The following FAM120B variants were observed in gnomAD, a reference collection of about 807,000 sequenced individuals.
FAM120B encodes constitutive coactivator of peroxisome proliferator-activated receptor gamma.
A neutral mutation model predicts 96.3 loss-of-function variants in FAM120B; 83 were observed. That is an observed-to-expected ratio of 0.86 (90% CI 0.72 to 1.03). The LOEUF is 1.03. Among genes scored for constraint, FAM120B ranks in the 50% least tolerant of loss-of-function variants. The probability of loss-of-function intolerance (pLI) is 0.00; values close to 1 mark genes in which losing one functional copy is unlikely to be tolerated. For missense variants in FAM120B, 1,027 were observed against 1,121.2 expected, an observed-to-expected ratio of 0.92 and a Z score of 1.20; for synonymous variants, 407 against 402.7, an observed-to-expected ratio of 1.01 and a Z score of -0.13.
At chr6:170,306,064 T>C (rs1008944106), upstream of FAM120B, among the ~76,000 whole-genome samples, 5 of 152,160 alleles carry the variant, frequency 3.3e-5, no homozygotes, top group Non-Finnish European at 7.4e-5. Flanking sequence ...TTCCTCTCTC[T>C]CCTTGGAATT....
chr6:170,358,155 CTGAGATCAATT>C, intron 5 of FAM120B, 60 bp from the exon 6 acceptor site: 1 of 1,319,794 alleles, frequency 7.6e-7, no homozygotes, highest in Non-Finnish European at 1.1e-6. Context: ...TAGTTAATAA[CTGAGATCAATT>C]TGTAAGAAAT....
chr6:170,337,996 AT>A (rs949971666), intron 4 of FAM120B, among the ~76,000 whole-genome samples: 1 of 150,976 alleles, frequency 6.6e-6, no homozygotes, highest in African/African-American at 2.4e-5. Context: ...GGATTCATTG[AT>A]TTTTTTGAAG....
chr6:170,297,687 C>T (rs556147409), intron 1 of FAM120B, among the ~76,000 whole-genome samples: 1 of 152,122 alleles, frequency 6.6e-6, no homozygotes, highest in Non-Finnish European at 1.5e-5. Context: ...GTTGGGGGCC[C>T]GTGCTGGGGA....
rs141054026 is a variant in FAM120B, at chr6:170,371,240, G to A, written c.2283+12922G>A. On this transcript the variant is annotated intron_variant, in intron 6 of 10. Coordinates refer to ENST00000476287, the MANE Select transcript of FAM120B (RefSeq NM_032448.3). The stretch of plus-strand genomic sequence containing the variant: ...CTGAACATTTCATAAACATGACATC[G>A]CACAGTTTGTGGCCTTTCGTGTCTG... 5.4e-3 allele frequency among the ~76,000 whole-genome samples: 825 copies of A among 151,786 alleles called. 36 individuals carry two copies. The highest frequency in any genetic ancestry group is 0.043 in the Admixed American group (656 of 15,252).
intron 1 of FAM120B, among the ~76,000 whole-genome samples, chr6:170,299,198 G>GTTGTT (rs1207278989): frequency 6.6e-6 from 1 of 152,084 alleles, no homozygotes; most frequent in Admixed American, 6.5e-5. Context: ...TTTTATTGTT[G>GTTGTT]TTGTTTTGTT....
At chr6:170,371,342 C>T (rs1011185700) in intron 6 of FAM120B, among the ~76,000 whole-genome samples, 2 of 152,132 alleles carry the variant, frequency 1.3e-5, no homozygotes, top group Non-Finnish European at 2.9e-5. Flanking sequence ...TTTTGTTTGT[C>T]TGTCATCAGC....
chr6:170,390,936 C>G, intron 7 of FAM120B, 77 bp from the exon 8 acceptor site: 7 of 1,207,628 alleles, frequency 5.8e-6, no homozygotes, highest in Non-Finnish European at 4.9e-6. Flanking sequence ...GTCCCCTAAG[C>G]TTCCTTCCAG....
chr6:170,331,036 T>C, intron 4 of FAM120B, among the ~76,000 whole-genome samples: 1 of 152,176 alleles, frequency 6.6e-6, no homozygotes, highest in Non-Finnish European at 1.5e-5. Context: ...TTATTTCCAC[T>C]GGAAAAAAGG....
upstream of FAM120B, among the ~76,000 whole-genome samples, chr6:170,302,331 C>T (rs559498835): frequency 1.2e-4 from 18 of 152,242 alleles, no homozygotes; most frequent in South Asian, 2.7e-3. Context: ...TGGAGGTAAC[C>T]GCCCCCATGA....
At chr6:170,330,850 G>A in intron 4 of FAM120B, 1 of 320,794 alleles carries the variant, frequency 3.1e-6, no homozygotes, top group Admixed American at 4.7e-5. Context: ...GCCGTGGTCA[G>A]CGCATGTTGC....
chr6:170,344,002 GT>G (rs1787009422), intron 4 of FAM120B, among the ~76,000 whole-genome samples: 1 of 150,062 alleles, frequency 6.7e-6, no homozygotes, highest in African/African-American at 2.5e-5. Context: ...GGATGAAATC[GT>G]TCAGTCCATT....
intron 1 of FAM120B, among the ~76,000 whole-genome samples, chr6:170,313,508 C>T (rs776241360): frequency 6.6e-6 from 1 of 152,148 alleles, no homozygotes; most frequent in African/African-American, 2.4e-5. Context: ...TCAGACTCAC[C>T]CAAGATTATT....
At chr6:170,334,033 G>C (rs2115080839) in intron 4 of FAM120B, among the ~76,000 whole-genome samples, 1 of 152,146 alleles carries the variant, frequency 6.6e-6, no homozygotes, top group South Asian at 2.1e-4. Flanking sequence ...TGGGAGTCTT[G>C]GCCCACACCA....
chr6:170,368,827 G>A (rs905226327), intron 6 of FAM120B, among the ~76,000 whole-genome samples: 3 of 149,532 alleles, frequency 2.0e-5, no homozygotes, highest in South Asian at 2.1e-4. Flanking sequence ...GGCTGGGGGG[G>A]GGGCTCCCTC....
intron 7 of FAM120B, among the ~76,000 whole-genome samples, chr6:170,389,158 A>C (rs187529044): frequency 6.6e-6 from 1 of 152,328 alleles, no homozygotes; most frequent in Non-Finnish European, 1.5e-5. Context: ...CATGTTGTTC[A>C]AGGGTCAGCT....
At chr6:170,361,242 A>ATATATATATATATATACGTG (rs1374958889) in intron 6 of FAM120B, among the ~76,000 whole-genome samples, 6 of 130,026 alleles carry the variant, frequency 4.6e-5, no homozygotes, top group African/African-American at 2.0e-4. Flanking sequence ...ATATACACGT[A>ATATATATATATATATACGTG]TATATATATA....
intron 9 of FAM120B, among the ~76,000 whole-genome samples, chr6:170,399,144 A>G (rs1778386481): frequency 6.8e-6 from 1 of 147,048 alleles, no homozygotes; most frequent in African/African-American, 2.6e-5. Flanking sequence ...AGAAAGGTAG[A>G]ACTATGTCAT....
intron 1 of FAM120B, among the ~76,000 whole-genome samples, chr6:170,309,183 G>T (rs1784456110): frequency 6.6e-6 from 1 of 152,148 alleles, no homozygotes; most frequent in Admixed American, 6.5e-5. Context: ...TATTTTTATA[G>T]AACTTGATAA....
intron 6 of FAM120B, among the ~76,000 whole-genome samples, chr6:170,384,603 C>A (rs1030085954): frequency 6.6e-6 from 1 of 152,200 alleles, no homozygotes; most frequent in Non-Finnish European, 1.5e-5. Context: ...TTCTCTAGAT[C>A]TGTAAGTTAG....
Sources: gnomAD v4.1 joint callset for allele counts (sites outside exome capture counted in the v4.1 genomes callset) on GRCh38, gnomAD v4.1.1 for gene constraint, MANE v1.5 for transcripts, NCBI Gene and HGNC (gene_info 2026-07-23, HGNC 2026-07-21) for gene names.